The following CELF2 variants were observed in gnomAD, a reference collection of about 807,000 sequenced individuals.
CELF2 encodes the protein CUGBP Elav-like family member 2, also known as CUG triplet repeat RNA-binding protein 2.
Under a neutral mutation model 62.6 loss-of-function variants are expected in CELF2, and 8 were observed. The ratio of observed to expected loss-of-function variants is 0.13; its 90% CI spans 0.07 to 0.23. CELF2 has a LOEUF of 0.23. CELF2 is among the 10% of genes least tolerant of loss of function. The pLI, the probability that CELF2 is intolerant of heterozygous loss-of-function variation, is 1.00. For synonymous variants in CELF2, 258 were observed against 250.0 expected (o/e 1.03, Z -0.30); for missense variants, 333 against 671.0 (o/e 0.50, Z 5.56).
the CELF2 span, among the ~76,000 whole-genome samples, chr10:10,666,009 T>C: frequency 6.6e-6 from 1 of 152,212 alleles, no homozygotes; most frequent in Non-Finnish European, 1.5e-5. Flanking sequence ...CTCAGCAGGC[T>C]TCATCATTCT....
chr10:10,860,221 C>T (rs1353344990), intron 1 of CELF2, among the ~76,000 whole-genome samples: 2 of 152,184 alleles, frequency 1.3e-5, no homozygotes, highest in Admixed American at 1.3e-4. Flanking sequence ...CAATATCTCA[C>T]ACCATCCAGC....
intron 2 of CELF2, among the ~76,000 whole-genome samples, chr10:11,208,487 G>A (rs754701422): frequency 7.9e-5 from 12 of 152,138 alleles, no homozygotes; most frequent in African/African-American, 1.2e-4. Context: ...ATGACGTAAC[G>A]CTAACAGACT....
chr10:10,488,712 T>C, the CELF2 span, among the ~76,000 whole-genome samples: 1 of 152,154 alleles, frequency 6.6e-6, no homozygotes, highest in African/African-American at 2.4e-5. Flanking sequence ...TGTATAATGA[T>C]GGTATTAAGA....
At chr10:10,850,344 A>G (rs975562185) in intron 1 of CELF2, among the ~76,000 whole-genome samples, 2 of 152,170 alleles carry the variant, frequency 1.3e-5, no homozygotes, top group African/African-American at 4.8e-5. Flanking sequence ...GTACCTATGT[A>G]ACTTGGGACT....
chr10:11,312,361 C>G (rs997560608), intron 9 of CELF2, among the ~76,000 whole-genome samples: 1 of 152,096 alleles, frequency 6.6e-6, no homozygotes, highest in African/African-American at 2.4e-5. Flanking sequence ...GTGGGCAAAT[C>G]AAAATACGTG....
At chr10:10,691,971 C>G in the CELF2 span, among the ~76,000 whole-genome samples, 6 of 151,888 alleles carry the variant, frequency 4.0e-5, no homozygotes, top group Non-Finnish European at 7.4e-5. Context: ...TGTTCACTCT[C>G]ATGGTAGTTC....
the CELF2 span, among the ~76,000 whole-genome samples, chr10:10,563,310 G>A: frequency 6.6e-5 from 10 of 152,140 alleles, no homozygotes; most frequent in East Asian, 3.9e-4. Context: ...TCCTACTTAC[G>A]AAGGAAAGAG....
At chr10:10,720,917 G>C in the CELF2 span, among the ~76,000 whole-genome samples, 1 of 152,184 alleles carries the variant, frequency 6.6e-6, no homozygotes, top group East Asian at 1.9e-4. Context: ...CCAGTTGGGG[G>C]AAAAATATGA....
chr10:10,628,931 A>G, the CELF2 span, among the ~76,000 whole-genome samples: 8 of 152,206 alleles, frequency 5.3e-5, no homozygotes, highest in Non-Finnish European at 8.8e-5. Context: ...GATCCTGACT[A>G]TAAATAAGGG....
chr10:11,123,546 G>C (rs1162931648), intron 1 of CELF2, among the ~76,000 whole-genome samples: 2 of 152,138 alleles, frequency 1.3e-5, no homozygotes, highest in African/African-American at 4.8e-5. Flanking sequence ...CACCATGCCC[G>C]GCTGAGGCAA....
At chr10:10,815,461 G>A (rs1015230765) in intron 1 of CELF2, among the ~76,000 whole-genome samples, 2 of 152,204 alleles carry the variant, frequency 1.3e-5, no homozygotes, top group Non-Finnish European at 2.9e-5. Context: ...AGAGAATATA[G>A]AGAATAAAAC....
At chr10:11,044,010 C>T (rs372517341) in intron 1 of CELF2, among the ~76,000 whole-genome samples, 3 of 152,204 alleles carry the variant, frequency 2.0e-5, no homozygotes, top group South Asian at 2.1e-4. Flanking sequence ...TGTCTGTGCT[C>T]GCTCTTCTCT....
the CELF2 span, among the ~76,000 whole-genome samples, chr10:10,612,691 C>T: frequency 2.7e-4 from 41 of 152,286 alleles, no homozygotes; most frequent in Non-Finnish European, 5.4e-4. Flanking sequence ...TTCTGCTAAT[C>T]CTGTGATACC....
rs2083462240 is a variant in CELF2 at position 11,270,563 on chromosome 10, G to A, written c.619-103G>A. The A allele has an allele frequency of 9.9e-7, 1 of 1,006,230 alleles. No individual in the cohort carries two copies. Among genetic ancestry groups the A allele is most frequent in the Non-Finnish European group, 1.4e-6 (1 of 735,790 alleles). The allele number at this position is 1,006,230 out of a possible 1,614,324, so 62.3% of individuals were successfully genotyped here. ...TTTAAACCATTTCAGCCCATTCCAT[G>A]TGCTCCAGGCTAGTGCAGAAAGGTA... On this transcript the variant is annotated intron_variant, in intron 6 of 12. Coordinates refer to ENST00000633077, the MANE Select transcript of CELF2 (RefSeq NM_001326342.2). This position sits in a 1 kb window ranked among gnomAD's most constrained non-coding sequence, Gnocchi z 5.8.
intron 1 of CELF2, among the ~76,000 whole-genome samples, chr10:10,876,859 ATG>A (rs1333736699): frequency 6.6e-6 from 1 of 152,194 alleles, no homozygotes; most frequent in African/African-American, 2.4e-5. Context: ...TGCACATGCA[ATG>A]TGTGTGTGGT....
intron 2 of CELF2, among the ~76,000 whole-genome samples, chr10:11,179,956 G>A (rs2072733031): frequency 6.6e-6 from 1 of 152,118 alleles, no homozygotes; most frequent in Admixed American, 6.5e-5. Context: ...ACCAAAAAAT[G>A]TTCACTCGGA....
At chr10:10,881,222 TG>T (rs2133674127) in intron 1 of CELF2, among the ~76,000 whole-genome samples, 1 of 152,232 alleles carries the variant, frequency 6.6e-6, no homozygotes, top group East Asian at 1.9e-4. Flanking sequence ...CACTTATCAC[TG>T]GAATAAATTT....
At chr10:10,988,539 T>A (rs2136610261) in intron 2 of CELF2, among the ~76,000 whole-genome samples, 1 of 152,160 alleles carries the variant, frequency 6.6e-6, no homozygotes, top group South Asian at 2.1e-4. Context: ...TGGTGAGGGA[T>A]AACAGACTAC....
chr10:10,884,574 C>G (rs1307390035), intron 1 of CELF2, among the ~76,000 whole-genome samples: 1 of 152,182 alleles, frequency 6.6e-6, no homozygotes, highest in Non-Finnish European at 1.5e-5. Flanking sequence ...TTATCCTACC[C>G]TTTATATGTT....
Sources: allele counts gnomAD v4.1 joint callset (sites outside exome capture counted in the v4.1 genomes callset), GRCh38; gene constraint gnomAD v4.1.1; non-coding constraint Gnocchi (gnomAD v3.1); transcripts MANE v1.5; gene names NCBI Gene and HGNC (gene_info 2026-07-23, HGNC 2026-07-21).